GLRB: variants seen among roughly 807,000 people sequenced by gnomAD.
GLRB encodes the protein glycine receptor beta, also known as glycine receptor subunit beta.
A neutral mutation model predicts 54.2 loss-of-function variants in GLRB; 33 were observed. The observed-to-expected ratio is 0.61, with a 90% CI of 0.46 to 0.81. The LOEUF is 0.81. GLRB is among the 40% of genes least tolerant of loss of function. GLRB has a pLI of 0.00. For missense variants in GLRB, 572 were observed against 584.6 expected, an observed-to-expected ratio of 0.98 and a Z score of 0.22; for synonymous variants, 209 against 208.2, an observed-to-expected ratio of 1.00 and a Z score of -0.03.
At chr4:157,115,107 T>G (rs1735560048) in intron 2 of GLRB, among the ~76,000 whole-genome samples, 1 of 151,874 alleles carries the variant, frequency 6.6e-6, no homozygotes, top group Non-Finnish European at 1.5e-5. Flanking sequence ...ATTCTTATTT[T>G]TATCTGTATG....
chr4:157,129,254 A>G (rs545805597), intron 4 of GLRB, among the ~76,000 whole-genome samples: 21 of 151,946 alleles, frequency 1.4e-4, no homozygotes, highest in South Asian at 1.2e-3. Flanking sequence ...TCCCACTCAT[A>G]AAAGAGGTCT....
At chr4:157,165,632 AT>A (rs931832068) in intron 9 of GLRB, among the ~76,000 whole-genome samples, 106 of 151,768 alleles carry the variant, frequency 7.0e-4, no homozygotes, top group African/African-American at 2.3e-3. Flanking sequence ...TGTCTGGAGG[AT>A]TTTTTTTCCC....
intron 8 of GLRB, among the ~76,000 whole-genome samples, chr4:157,147,879 C>T (rs987650163): frequency 6.6e-6 from 1 of 152,232 alleles, no homozygotes; most frequent in Non-Finnish European, 1.5e-5. Flanking sequence ...TTCCGTTAAA[C>T]TCTGCTCTTA....
intron 9 of GLRB, among the ~76,000 whole-genome samples, chr4:157,155,636 T>C (rs1002115898): frequency 6.6e-6 from 1 of 152,206 alleles, no homozygotes; most frequent in Admixed American, 6.5e-5. Context: ...CCATGGCTTC[T>C]GATGAAAACT....
chr4:157,153,074 C>T lies in GLRB; in HGVS notation c.1197+64C>T, dbSNP rs200086611. ...CCACTTCATAGTGTCAAGAGAGAGA[C>T]ACCTTTGTGTATGTGACAAGTTTTG... On this transcript the variant is annotated intron_variant, in intron 9 of 9. Transcript: ENST00000264428. The T allele has an allele frequency of 4.2e-5, 57 of 1,351,150 alleles. No individual in the cohort carries two copies. The East Asian group carries it at 9.7e-4, about 23-fold the overall frequency. The allele number at this position is 1,351,150 out of a possible 1,614,324, so 83.7% of individuals were successfully genotyped here. A position where few individuals can be genotyped will look rare whatever the true frequency, so the allele number is the denominator to read the frequency against.
intron 7 of GLRB, among the ~76,000 whole-genome samples, chr4:157,142,960 T>G (rs981555506): frequency 1.3e-5 from 2 of 152,186 alleles, no homozygotes; most frequent in African/African-American, 4.8e-5. Flanking sequence ...CCTTTTCTAT[T>G]TGAATGCAGT....
chr4:157,162,200 C>A (rs1396758107), intron 9 of GLRB, among the ~76,000 whole-genome samples: 1 of 152,182 alleles, frequency 6.6e-6, no homozygotes, highest in Non-Finnish European at 1.5e-5. Context: ...TTAAGGATTT[C>A]TCTACACTGT....
Position 157,120,575 on chromosome 4 carries a change from C to A in GLRB, c.142C>A (p.Leu48Ile). The change falls in exon 3 of 10, where the codon CTT becomes ATT. Residue 48 changes from leucine to isoleucine, a missense_variant. Leu to Ile is a conservative substitution (Grantham distance 5). Coordinates refer to ENST00000264428, the MANE Select transcript of GLRB (RefSeq NM_000824.5). ...TTATAGTCAGCAGTCAGCAGAGGACCTTGCCCGAGTACCTGCCAACTCCAC... is the reference window on the plus strand; with the variant it reads ...TTATAGTCAGCAGTCAGCAGAGGACATTGCCCGAGTACCTGCCAACTCCAC... The part of the protein sequence containing the change: ...LCPSQQSAED[L>I]ARVPANSTSN... 3 of 1,595,082 alleles carry A rather than the reference C, an allele frequency of 1.9e-6. No homozygotes were observed. Among genetic ancestry groups the A allele is most frequent in the South Asian group, 1.1e-5 (1 of 90,662 alleles).
intron 9 of GLRB, among the ~76,000 whole-genome samples, chr4:157,168,852 T>C (rs188719042): frequency 1.3e-5 from 2 of 152,272 alleles, no homozygotes; most frequent in Admixed American, 1.3e-4. Flanking sequence ...TGCTCATAAT[T>C]AGAGAAGAAA....
chr4:157,102,850 A>G (rs1211123879), intron 2 of GLRB, among the ~76,000 whole-genome samples: 1 of 152,190 alleles, frequency 6.6e-6, no homozygotes, highest in Non-Finnish European at 1.5e-5. Flanking sequence ...TAAATGTGTT[A>G]CAATTAGGTT....
intron 8 of GLRB, among the ~76,000 whole-genome samples, chr4:157,146,418 A>G (rs1234703253): frequency 6.6e-6 from 1 of 152,230 alleles, no homozygotes; most frequent in African/African-American, 2.4e-5. Context: ...TGTTGAGAAC[A>G]GAATGACCTC....
At chr4:157,130,616 T>G (rs1320152905) in intron 4 of GLRB, among the ~76,000 whole-genome samples, 1 of 151,710 alleles carries the variant, frequency 6.6e-6, no homozygotes, top group Non-Finnish European at 1.5e-5. Flanking sequence ...TGTGTGTGAA[T>G]GTACCTACCA....
chr4:157,141,869 C>T (rs1185552806), intron 7 of GLRB, among the ~76,000 whole-genome samples: 1 of 152,046 alleles, frequency 6.6e-6, no homozygotes, highest in African/African-American at 2.4e-5. Context: ...AATTGCAGGA[C>T]TCATGTGAAT....
At chr4:157,078,252 G>T (rs951169332) in intron 2 of GLRB, 106 bp downstream of exon 2, 41 of 1,555,090 alleles carry the variant, frequency 2.6e-5, no homozygotes, top group Non-Finnish European at 3.1e-5. Flanking sequence ...TTTCATATCG[G>T]AATGTATATC....
At chr4:157,088,663 C>T (rs536261679) in intron 2 of GLRB, among the ~76,000 whole-genome samples, 1 of 152,142 alleles carries the variant, frequency 6.6e-6, no homozygotes, top group Non-Finnish European at 1.5e-5. Flanking sequence ...GAGGCATCAT[C>T]CTTCCTTTTC....
intron 9 of GLRB, among the ~76,000 whole-genome samples, chr4:157,161,673 G>T (rs1235573189): frequency 2.6e-5 from 4 of 152,306 alleles, no homozygotes; most frequent in African/African-American, 9.6e-5. Flanking sequence ...CTCTCTTCTA[G>T]CTTGTAGAGT....
In GLRB at chr4:157,163,735, G is replaced by A. The variant is rs115940293; in HGVS notation, c.1198-6697G>A. ...CTGGGATTATATGAGACAAAAGGGGGAATGCAGGAACTCACCATTTTATGG... is the reference window on the plus strand; with the variant it reads ...CTGGGATTATATGAGACAAAAGGGGAAATGCAGGAACTCACCATTTTATGG... On this transcript the variant is annotated intron_variant, in intron 9 of 9. Transcript: ENST00000264428. 3.8e-3 allele frequency among the ~76,000 whole-genome samples: 575 copies of A among 152,132 alleles called. 2 individuals carry two copies. The highest frequency in any genetic ancestry group is 0.01 in the Middle Eastern group (3 of 294).
chr4:157,121,704 G>C lies in GLRB; in HGVS notation c.230-626G>C, dbSNP rs564228151. Among the ~76,000 whole-genome samples the C allele has an allele frequency of 3.8e-3, 570 of 151,310 alleles. 1 individual carries two copies. The highest frequency in any genetic ancestry group is 0.013 in the African/African-American group (545 of 41,306). Reference sequence around the variant, plus strand: ...CACATTTTCCCTTTGTTAGCACAACGAGCAGCCACAATGAGATGAAAAAAA... The same window carrying C: ...CACATTTTCCCTTTGTTAGCACAACCAGCAGCCACAATGAGATGAAAAAAA... On this transcript the variant is annotated intron_variant, in intron 3 of 9. Coordinates refer to ENST00000264428, the MANE Select transcript of GLRB (RefSeq NM_000824.5).
intron 4 of GLRB, among the ~76,000 whole-genome samples, chr4:157,135,193 C>G (rs749706248): frequency 1.3e-5 from 2 of 152,076 alleles, no homozygotes; most frequent in Non-Finnish European, 2.9e-5. Flanking sequence ...TATACCTACA[C>G]AGCTTCATCT....
Sources: allele counts gnomAD v4.1 joint callset (sites outside exome capture counted in the v4.1 genomes callset), GRCh38; gene constraint gnomAD v4.1.1; transcripts MANE v1.5; gene names NCBI Gene and HGNC (gene_info 2026-07-23, HGNC 2026-07-21).